The following CHST10 variants were observed in gnomAD, a reference collection of about 807,000 sequenced individuals.
CHST10 encodes the protein HNK-1 sulfotransferase.
CHST10 carries 24 observed loss-of-function variants against 34.7 expected under a neutral mutation model. The ratio of observed to expected loss-of-function variants is 0.69; its 90% confidence interval spans 0.50 to 0.97. The LOEUF (loss-of-function observed/expected upper bound fraction) is 0.97. CHST10 is among the 50% of genes least tolerant of loss of function. The pLI is 0.00. For missense variants in CHST10, 402 were observed against 452.1 expected, an observed-to-expected ratio of 0.89 and a Z score of 1.00; for synonymous variants, 161 against 169.3, an observed-to-expected ratio of 0.95 and a Z score of 0.38.
chr2:100,394,970 C>T (rs1674985424), intron 6 of CHST10, among the ~76,000 whole-genome samples: 1 of 152,158 alleles, frequency 6.6e-6, no homozygotes, highest in South Asian at 2.1e-4. Flanking sequence ...CCGCCCACCT[C>T]GGCCTCCCAA....
At chr2:100,401,847 G>A (rs889943689) in intron 4 of CHST10, among the ~76,000 whole-genome samples, 3 of 152,178 alleles carry the variant, frequency 2.0e-5, no homozygotes, top group Non-Finnish European at 1.5e-5. Flanking sequence ...CAACCTCTAC[G>A]GCTTGATTCT....
intron 5 of CHST10, among the ~76,000 whole-genome samples, chr2:100,397,492 C>T (rs1675114304): frequency 6.6e-6 from 1 of 152,194 alleles, no homozygotes; most frequent in African/African-American, 2.4e-5. Context: ...ACAGTGTGAG[C>T]CCTTCTCACT....
chr2:100,401,745 C>T (rs1675350433), intron 4 of CHST10, among the ~76,000 whole-genome samples: 1 of 152,152 alleles, frequency 6.6e-6, no homozygotes, highest in Admixed American at 6.5e-5. Flanking sequence ...AAGTAACCTC[C>T]AGCAGCACTC....
chr2:100,400,982 A>G (rs1675314664), intron 4 of CHST10, among the ~76,000 whole-genome samples: 1 of 152,196 alleles, frequency 6.6e-6, no homozygotes, highest in African/African-American at 2.4e-5. Flanking sequence ...CACCTGGCCA[A>G]AATAAACTTT....
chr2:100,393,824 G>A (rs1456693842), intron 6 of CHST10, 42 bp from the exon 7 acceptor site: 6 of 1,533,688 alleles, frequency 3.9e-6, no homozygotes. Flanking sequence ...GATGCCACAG[G>A]AGGTCACAGC....
At chr2:100,416,304 TC>T (rs1219926783) in intron 1 of CHST10, 3 of 152,410 alleles carry the variant, frequency 2.0e-5, no homozygotes, top group African/African-American at 7.2e-5. Flanking sequence ...ACAAATTCTT[TC>T]CTTTCTTTGT....
Position 100,397,895 on chromosome 2 carries a change from G to A in CHST10, c.427+13C>T. ...GACCCTTCCCAGTGGACATTCAGTAGACCCACACACACCATTTAGAACAAT... is the reference window on the plus strand; with the variant it reads ...GACCCTTCCCAGTGGACATTCAGTAAACCCACACACACCATTTAGAACAAT... On this transcript the variant is annotated intron_variant, in intron 5 of 6. Transcript: ENST00000264249. 6.3e-7 allele frequency: 1 copy of A among 1,595,536 alleles called. No individual in the cohort carries two copies. The highest frequency in any genetic ancestry group is 8.6e-7 in the Non-Finnish European group (1 of 1,167,522).
rs1674874714 is a variant in CHST10 at position 100,393,193 on chromosome 2, C to T, written c.*52G>A. On this transcript the variant is annotated 3_prime_UTR_variant, in exon 7 of 7. Coordinates refer to ENST00000264249, the MANE Select transcript of CHST10 (RefSeq NM_004854.5). ...GGTCATTTCTGGGCTCAGATCTTCA[C>T]CTGGTTAGCCCCAGGTCTAATAAAG... 6.3e-7 allele frequency: 1 copy of T among 1,576,760 alleles called. No individual in the cohort carries two copies. Among genetic ancestry groups the T allele is most frequent in the South Asian group, 1.2e-5 (1 of 85,468 alleles).
chr2:100,416,587 T>C (rs1308299467), intron 1 of CHST10: 1 of 192,760 alleles, frequency 5.2e-6, no homozygotes, highest in Admixed American at 5.3e-5. Flanking sequence ...CTGAGCTGCC[T>C]AATTTTAACA....
At chr2:100,398,222 G>C in intron 4 of CHST10, 80 bp from the exon 5 acceptor site, 1 of 964,438 alleles carries the variant, frequency 1.0e-6, no homozygotes, top group South Asian at 1.6e-5. Context: ...GCTCCTGCTG[G>C]TCTATCCCCT....
chr2:100,401,320 A>G (rs1298155577), intron 4 of CHST10, among the ~76,000 whole-genome samples: 2 of 152,182 alleles, frequency 1.3e-5, no homozygotes, highest in Non-Finnish European at 2.9e-5. Flanking sequence ...CGGAAGACCA[A>G]TGAGATTGAA....
intron 2 of CHST10, among the ~76,000 whole-genome samples, chr2:100,414,456 G>A (rs773296898): frequency 6.6e-6 from 1 of 152,120 alleles, no homozygotes; most frequent in Non-Finnish European, 1.5e-5. Context: ...ACAGACCAGG[G>A]CTGCAGAAAC....
At chr2:100,403,625 G>A (rs1675437374) in intron 3 of CHST10, among the ~76,000 whole-genome samples, 1 of 152,138 alleles carries the variant, frequency 6.6e-6, no homozygotes, top group South Asian at 2.1e-4. Flanking sequence ...CACTGATGGG[G>A]GTTCTGAGGC....
chr2:100,399,914 G>A (rs1047663228), intron 4 of CHST10, among the ~76,000 whole-genome samples: 3 of 152,146 alleles, frequency 2.0e-5, no homozygotes, highest in Non-Finnish European at 2.9e-5. Flanking sequence ...GCGGCTGCCC[G>A]GGCCCTCCAC....
At chr2:100,412,119 GC>G (rs893931882) in intron 2 of CHST10, among the ~76,000 whole-genome samples, 2 of 152,192 alleles carry the variant, frequency 1.3e-5, no homozygotes, top group Non-Finnish European at 2.9e-5. Context: ...AGTTTCTTCA[GC>G]AGCAGAGTCA....
chr2:100,403,142 C>T (rs747114069), intron 3 of CHST10, among the ~76,000 whole-genome samples: 1 of 152,202 alleles, frequency 6.6e-6, no homozygotes, highest in African/African-American at 2.4e-5. Flanking sequence ...TACACCCAGA[C>T]ATTTCACTGG....
chr2:100,417,656 G>C lies in CHST10; in HGVS notation c.-386C>G, dbSNP rs1676126387. On this transcript the variant is annotated 5_prime_UTR_variant, in exon 1 of 7. Transcript: ENST00000264249. Reference sequence around the variant, plus strand: ...GCGGCCCCCTCGCGCCTATCCGGCCGTGCGCGCCGCCTGCCCGCGCGCGTC... The same window carrying C: ...GCGGCCCCCTCGCGCCTATCCGGCCCTGCGCGCCGCCTGCCCGCGCGCGTC... 1 of 150,692 alleles carries C rather than the reference G, an allele frequency of 6.6e-6. No individual in the cohort carries two copies. Among genetic ancestry groups the C allele is most frequent in the Non-Finnish European group, 1.5e-5 (1 of 67,542 alleles). The allele number at this position is 150,692 out of a possible 1,614,324, so 9.3% of individuals were successfully genotyped here. A position where few individuals can be genotyped will look rare whatever the true frequency, so the allele number is the denominator to read the frequency against.
intron 1 of CHST10, chr2:100,416,984 C>A: frequency 2.1e-5 from 27 of 1,304,242 alleles, no homozygotes; most frequent in Non-Finnish European, 2.7e-5. Flanking sequence ...TGACTCCCCT[C>A]GCACCGAAGC....
chr2:100,416,715 A>C (rs1348556922), intron 1 of CHST10: 6 of 326,228 alleles, frequency 1.8e-5, no homozygotes, highest in East Asian at 7.6e-5. Flanking sequence ...ACAACAACAA[A>C]AACCCACCGT....
Sources: allele counts gnomAD v4.1 joint callset (sites outside exome capture counted in the v4.1 genomes callset), GRCh38; gene constraint gnomAD v4.1.1; transcripts MANE v1.5; gene names NCBI Gene and HGNC (gene_info 2026-07-23, HGNC 2026-07-21).